NDST4: variants seen among roughly 807,000 people sequenced by gnomAD.
The protein encoded by NDST4 is N-heparan sulfate sulfotransferase 4.
NDST4 carries 63 observed loss-of-function variants against 100.8 expected under a neutral mutation model. That is an observed-to-expected ratio of 0.62 (90% CI 0.51 to 0.77). The LOEUF is 0.77. Ranked by LOEUF, NDST4 falls within the 30% of genes least tolerant of loss-of-function variation. The pLI is 0.00. For missense variants in NDST4, 943 were observed against 1,018.4 expected (o/e 0.93, Z 1.01); for synonymous variants, 377 against 361.8 (o/e 1.04, Z -0.48).
chr4:115,087,638 A>AT (rs569459019), intron 1 of NDST4, among the ~76,000 whole-genome samples: 2 of 151,586 alleles, frequency 1.3e-5, no homozygotes, highest in Middle Eastern at 3.4e-3. Flanking sequence ...TCCTATCTTG[A>AT]TTTTTTTTCA....
intron 2 of NDST4, among the ~76,000 whole-genome samples, chr4:115,031,649 G>GTATGCAAGCT (rs1578469222): frequency 1.3e-5 from 2 of 152,188 alleles, no homozygotes; most frequent in East Asian, 3.9e-4. Context: ...GTAGTTTAAA[G>GTATGCAAGCT]TATGCAAGCT....
intron 2 of NDST4, among the ~76,000 whole-genome samples, chr4:114,996,495 T>G (rs1727166015): frequency 6.6e-6 from 1 of 152,086 alleles, no homozygotes; most frequent in Admixed American, 6.6e-5. Context: ...CCCAATTTTG[T>G]GTATGAAAAG....
intron 1 of NDST4, among the ~76,000 whole-genome samples, chr4:115,099,484 T>C (rs1729687524): frequency 6.6e-6 from 1 of 151,896 alleles, no homozygotes; most frequent in Non-Finnish European, 1.5e-5. Context: ...AACAACCCAA[T>C]TCAAAAATGG....
chr4:115,076,979 T>C lies in NDST4; in HGVS notation c.58A>G (p.Thr20Ala), dbSNP rs1729201132. The change falls in exon 2 of 14, where the codon ACC becomes GCC. Residue 20 changes from threonine (T) to alanine (A), a missense_variant. Physicochemically the swap from Thr to Ala is moderately conservative, Grantham distance 58 (BLOSUM62 0). Coordinates refer to ENST00000264363, the MANE Select transcript of NDST4 (RefSeq NM_022569.3). The part of the protein sequence containing the change: ...SFRTLIVLLA[T>A]FCLVSIVISA... Reference sequence around the variant, plus strand: ...ATGACAATGCTCACCAAGCAAAAGGTAGCTAAGAGAACAATCAATGTTCGA... The same window carrying C: ...ATGACAATGCTCACCAAGCAAAAGGCAGCTAAGAGAACAATCAATGTTCGA... 1.2e-6 allele frequency: 2 copies of C among 1,612,800 alleles called. No individual in the cohort carries two copies. The highest frequency in any genetic ancestry group is 1.7e-6 in the Non-Finnish European group (2 of 1,179,504).
intron 12 of NDST4, among the ~76,000 whole-genome samples, chr4:114,830,134 A>G (rs1432859489): frequency 6.6e-6 from 1 of 152,232 alleles, no homozygotes; most frequent in Non-Finnish European, 1.5e-5. Context: ...GTTTACTTTT[A>G]CATGAACATT....
At chr4:114,968,054 A>T (rs1260022220) in intron 4 of NDST4, among the ~76,000 whole-genome samples, 2 of 152,162 alleles carry the variant, frequency 1.3e-5, no homozygotes, top group Non-Finnish European at 2.9e-5. Flanking sequence ...CAAACAGATA[A>T]TCTGGTGCCT....
chr4:115,031,808 A>G (rs1412625814), intron 2 of NDST4, among the ~76,000 whole-genome samples: 1 of 152,070 alleles, frequency 6.6e-6, no homozygotes, highest in Non-Finnish European at 1.5e-5. Context: ...CTAAGAGTCT[A>G]TCTGCCATCC....
At chr4:114,847,641 AG>A (rs1723583729) in intron 9 of NDST4, among the ~76,000 whole-genome samples, 1 of 151,990 alleles carries the variant, frequency 6.6e-6, no homozygotes. Flanking sequence ...ATTTTAGTTT[AG>A]GGGAAATACT....
At chr4:115,007,025 C>T (rs577572639) in intron 2 of NDST4, among the ~76,000 whole-genome samples, 1 of 152,242 alleles carries the variant, frequency 6.6e-6, no homozygotes, top group Admixed American at 6.5e-5. Flanking sequence ...ATGTACTTTA[C>T]ATTGGTTAAA....
At chr4:114,987,192 TAAAC>T (rs1726933796) in intron 2 of NDST4, among the ~76,000 whole-genome samples, 1 of 152,012 alleles carries the variant, frequency 6.6e-6, no homozygotes, top group Non-Finnish European at 1.5e-5. Flanking sequence ...ATATACGACA[TAAAC>T]AAAATAATCA....
chr4:114,952,508 A>T (rs1196388048), intron 4 of NDST4, among the ~76,000 whole-genome samples: 1 of 152,138 alleles, frequency 6.6e-6, no homozygotes, highest in East Asian at 1.9e-4. Flanking sequence ...CAAGTCAAGG[A>T]CTTACCATGA....
chr4:114,872,526 G>A (rs1469680626), intron 6 of NDST4, among the ~76,000 whole-genome samples: 1 of 151,838 alleles, frequency 6.6e-6, no homozygotes, highest in African/African-American at 2.4e-5. Context: ...AATATCTGAA[G>A]AAAACCTATT....
At chr4:114,829,994 A>G (rs1488188820) in intron 12 of NDST4, 102 bp from the exon 13 acceptor site, 2 of 753,156 alleles carry the variant, frequency 2.7e-6, no homozygotes. Context: ...ATGCCCACTG[A>G]TTTAATTTAA....
In NDST4 at chr4:115,076,201, A is replaced by G; in HGVS notation, c.836T>C (p.Leu279Pro). Residue 279 changes from leucine (L) to proline (P), a missense_variant, in exon 2 of 14, where the codon CTG (leucine) becomes CCG (proline). Coordinates refer to ENST00000264363, the MANE Select transcript of NDST4 (RefSeq NM_022569.3). ...VLFGNNLNFW[L>P]HKLIFIDAIS... ...GGCATCTATGAAGATGAGCTTGTGC[A>G]GCCAAAAGTTCAAGTTGTTGCCAAA... The G allele has an allele frequency of 1.9e-6, 3 of 1,613,996 alleles. No individual in the cohort carries two copies. Among genetic ancestry groups the G allele is most frequent in the South Asian group, 2.2e-5 (2 of 91,088 alleles).
chr4:115,047,087 A>G (rs1034627885), intron 2 of NDST4, among the ~76,000 whole-genome samples: 1 of 151,986 alleles, frequency 6.6e-6, no homozygotes, highest in African/African-American at 2.4e-5. Flanking sequence ...AATCCACTGG[A>G]AAAAAAATAC....
chr4:115,008,013 T>C lies in NDST4; in HGVS notation c.979-30739A>G, dbSNP rs192406134. ...GGCACTAAATTTCTTTATTTCCTTT[T>C]CAACTAAATTAGAAACCCTGGGAAT... On this transcript the variant is annotated intron_variant, in intron 2 of 13. Coordinates refer to ENST00000264363, the MANE Select transcript of NDST4 (RefSeq NM_022569.3). 1.5e-4 allele frequency among the ~76,000 whole-genome samples: 20 copies of C among 129,822 alleles called. 4 individuals carry two copies. Among genetic ancestry groups the C allele is most frequent in the African/African-American group, 4.7e-4 (16 of 34,336 alleles). 85.2% of individuals were successfully genotyped at this position (129,822 alleles called of 152,430 possible). A position where few individuals can be genotyped will look rare whatever the true frequency, so the allele number is the denominator to read the frequency against.
At chr4:115,022,575 G>A (rs1382000863) in intron 2 of NDST4, among the ~76,000 whole-genome samples, 1 of 149,088 alleles carries the variant, frequency 6.7e-6, no homozygotes, top group African/African-American at 2.5e-5. Flanking sequence ...GGCATTCGCA[G>A]CAACGTGGAT....
intron 1 of NDST4, among the ~76,000 whole-genome samples, chr4:115,085,698 T>C (rs915905914): frequency 1.3e-5 from 2 of 152,170 alleles, no homozygotes; most frequent in African/African-American, 2.4e-5. Context: ...TGATTTTAAG[T>C]TTCCTGAGGC....
rs113585952 is a variant in NDST4, at chr4:115,048,778, C to G, written c.978+27281G>C. Among the ~76,000 whole-genome samples the G allele has an allele frequency of 3.4e-3, 510 of 152,164 alleles. 7 individuals are homozygous for G. Among genetic ancestry groups the G allele is most frequent in the African/African-American group, 0.012 (483 of 41,520 alleles). On this transcript the variant is annotated intron_variant, in intron 2 of 13. Coordinates refer to ENST00000264363, the MANE Select transcript of NDST4 (RefSeq NM_022569.3). ...TCAGCCTCCAGAGTAGCTGGGATTA[C>G]AGGAAAGTGCCACTGCACCCGGCTA...
Sources: gnomAD v4.1 joint callset for allele counts (sites outside exome capture counted in the v4.1 genomes callset) on GRCh38, gnomAD v4.1.1 for gene constraint, MANE v1.5 for transcripts, NCBI Gene and HGNC (gene_info 2026-07-23, HGNC 2026-07-21) for gene names.